ZBTB20: variants seen among roughly 807,000 people sequenced by gnomAD.
ZBTB20 encodes the protein zinc finger and BTB domain-containing protein 20.
In ZBTB20, 9 loss-of-function variants were observed where a neutral mutation model predicts 56.9. The observed-to-expected ratio is 0.16, with a 90% CI of 0.10 to 0.28. The LOEUF (loss-of-function observed/expected upper bound fraction) is 0.28. Ranked by LOEUF, ZBTB20 falls within the 10% of genes least tolerant of loss-of-function variation. The pLI is 1.00. For missense variants in ZBTB20, 655 were observed against 1,003.0 expected (o/e 0.65, Z 4.69); for synonymous variants, 417 against 420.7 (o/e 0.99, Z 0.11).
intron 2 of ZBTB20, among the ~76,000 whole-genome samples, chr3:115,003,215 A>T (rs2079323053): frequency 6.6e-6 from 1 of 151,640 alleles, no homozygotes; most frequent in Admixed American, 6.6e-5. Flanking sequence ...TGATATTATG[A>T]TGGTGGGCAC....
intron 6 of ZBTB20, among the ~76,000 whole-genome samples, chr3:114,635,804 T>A (rs866235115): frequency 1.1e-4 from 16 of 152,138 alleles, no homozygotes; most frequent in African/African-American, 3.6e-4. Context: ...AAGTGACTTA[T>A]GGGACTCAAA....
intron 3 of ZBTB20, among the ~76,000 whole-genome samples, chr3:114,960,900 T>C (rs2077425030): frequency 6.6e-6 from 1 of 152,016 alleles, no homozygotes; most frequent in African/African-American, 2.4e-5. Context: ...CAAGAAAGCA[T>C]GACGCCATGA....
Position 115,082,335 on chromosome 3 carries a change from T to G in ZBTB20, c.-702-10921A>C, listed in dbSNP as rs572641120. ...TTATGATCTCACAAGCACATTAAAA[T>G]CTTATTAACATTAATTACTTCTGAG... On this transcript the variant is annotated intron_variant, in intron 1 of 11. Transcript: ENST00000675478. 2.8e-4 allele frequency among the ~76,000 whole-genome samples: 42 copies of G among 152,312 alleles called. 1 individual carries two copies. The highest frequency in any genetic ancestry group is 5.0e-4 in the Non-Finnish European group (34 of 68,018).
chr3:114,381,014 A>T, intron 8 of ZBTB20, 74 bp from the exon 9 acceptor site: 1 of 335,566 alleles, frequency 3.0e-6, no homozygotes. Flanking sequence ...CATGGACTAC[A>T]TTAAGGAACA....
At chr3:114,484,663 T>C (rs2041911120) in intron 7 of ZBTB20, among the ~76,000 whole-genome samples, 1 of 152,182 alleles carries the variant, frequency 6.6e-6, no homozygotes, top group Non-Finnish European at 1.5e-5. Flanking sequence ...AGCTAAAACA[T>C]ATTAAATGTG....
chr3:115,099,443 T>C (rs948673059), intron 1 of ZBTB20, among the ~76,000 whole-genome samples: 9 of 152,176 alleles, frequency 5.9e-5, no homozygotes, highest in Admixed American at 1.3e-4. Flanking sequence ...TTCCTATAAA[T>C]GTAAAAGCCC....
At chr3:114,370,958 G>A (rs2082934629) in intron 10 of ZBTB20, among the ~76,000 whole-genome samples, 3 of 152,084 alleles carry the variant, frequency 2.0e-5, no homozygotes, top group Admixed American at 2.0e-4. Context: ...GTTGCACCTG[G>A]ATCCTCCCCA....
chr3:114,700,919 T>C (rs2063352301), intron 5 of ZBTB20, among the ~76,000 whole-genome samples: 1 of 152,146 alleles, frequency 6.6e-6, no homozygotes, highest in African/African-American at 2.4e-5. Context: ...GCCCCAAGTA[T>C]CTTAGAGTGG....
chr3:114,426,096 G>A (rs2089631257), intron 7 of ZBTB20, among the ~76,000 whole-genome samples: 2 of 152,004 alleles, frequency 1.3e-5, no homozygotes, highest in Non-Finnish European at 2.9e-5. Context: ...AGCACTTTGG[G>A]AGGCCGAGGT....
intron 2 of ZBTB20, among the ~76,000 whole-genome samples, chr3:114,993,878 A>G (rs994625762): frequency 6.6e-6 from 1 of 151,768 alleles, no homozygotes; most frequent in African/African-American, 2.4e-5. Flanking sequence ...TAATCCATGT[A>G]AAAGAGAAGG....
chr3:115,053,873 T>A (rs1047455529), intron 2 of ZBTB20, among the ~76,000 whole-genome samples: 9 of 152,120 alleles, frequency 5.9e-5, no homozygotes, highest in Admixed American at 5.9e-4. Flanking sequence ...TATAAGGACA[T>A]GTTACAAAGT....
chr3:114,582,018 A>C (rs1222784070), intron 6 of ZBTB20: 1 of 152,230 alleles, frequency 6.6e-6, no homozygotes, highest in African/African-American at 2.4e-5. Context: ...TTAGTAATAC[A>C]TACAGAAGAA....
chr3:114,348,049 T>C (rs1022408739), intron 11 of ZBTB20, among the ~76,000 whole-genome samples: 6 of 152,238 alleles, frequency 3.9e-5, no homozygotes, highest in African/African-American at 7.2e-5. Flanking sequence ...AGTGAATCCA[T>C]TGGAGAAATG....
intron 1 of ZBTB20, among the ~76,000 whole-genome samples, chr3:115,091,740 G>GA (rs990525981): frequency 2.0e-5 from 3 of 150,056 alleles, no homozygotes; most frequent in African/African-American, 7.3e-5. Context: ...ATATACACGA[G>GA]AATGTTATAA....
chr3:114,514,259 C>CTTAT (rs1184559155), intron 6 of ZBTB20, among the ~76,000 whole-genome samples: 1 of 152,054 alleles, frequency 6.6e-6, no homozygotes, highest in East Asian at 1.9e-4. Flanking sequence ...ATTTTTTGAA[C>CTTAT]TTATATATTG....
intron 4 of ZBTB20, among the ~76,000 whole-genome samples, chr3:114,831,087 C>CTTTT (rs57265260): frequency 1.6e-4 from 9 of 55,568 alleles, no homozygotes; most frequent in South Asian, 1.5e-3. Context: ...TTTCTTTCTT[C>CTTTT]TTTTTTTTTT....
At chr3:114,841,685 G>T (rs2074391062) in intron 4 of ZBTB20, among the ~76,000 whole-genome samples, 1 of 152,174 alleles carries the variant, frequency 6.6e-6, no homozygotes, top group Admixed American at 6.5e-5. Flanking sequence ...TAGCAATACT[G>T]GAGGTGAGAG....
chr3:114,657,134 C>A (rs189544878), intron 6 of ZBTB20, among the ~76,000 whole-genome samples: 1 of 152,094 alleles, frequency 6.6e-6, no homozygotes, highest in African/African-American at 2.4e-5. Context: ...TTTATACAAA[C>A]TCTGGGTTTG....
intron 7 of ZBTB20, among the ~76,000 whole-genome samples, chr3:114,403,492 T>C (rs1327880804): frequency 6.6e-6 from 1 of 152,062 alleles, no homozygotes; most frequent in East Asian, 1.9e-4. Flanking sequence ...CTCTCACCTA[T>C]TTATATGCTC....
Sources: allele counts gnomAD v4.1 joint callset (sites outside exome capture counted in the v4.1 genomes callset), GRCh38; gene constraint gnomAD v4.1.1; transcripts MANE v1.5; gene names NCBI Gene and HGNC (gene_info 2026-07-23, HGNC 2026-07-21).